Variants in SVOPL observed in about 807,000 individuals in gnomAD.
SVOPL encodes putative transporter SVOPL.
A neutral mutation model predicts 61.0 loss-of-function variants in SVOPL; 60 were observed. The observed-to-expected ratio is 0.98, with a 90% confidence interval of 0.80 to 1.22. The LOEUF is 1.22. SVOPL is among the 50% of genes most tolerant of loss of function. The pLI is 0.00. For missense variants in SVOPL, 662 were observed against 643.9 expected (o/e 1.03, Z -0.30); for synonymous variants, 279 against 250.0 (o/e 1.12, Z -1.09).
In SVOPL at chr7:138,648,903, CAAAG is replaced by C. The variant is rs1261996851; in HGVS notation, c.660+105_660+108del. 2.4e-5 allele frequency: 36 copies of C among 1,517,482 alleles called. No individual in the cohort carries two copies. In the Admixed American group the frequency reaches 3.1e-4, roughly 13 times the overall value. The allele number at this position is 1,517,482 out of a possible 1,614,324, so 94.0% of individuals were successfully genotyped here. ...CACCTCTGCACTGCAGCCTGGACAA[CAAAG>C]AGAGACTCTGTCTCGAGGGGGAAAA... On this transcript the variant is annotated intron_variant, in intron 8 of 15. Transcript: ENST00000674285.
intron 14 of SVOPL, among the ~76,000 whole-genome samples, chr7:138,601,746 C>T (rs1798534228): frequency 6.6e-6 from 1 of 151,850 alleles, no homozygotes; most frequent in Admixed American, 6.6e-5. Context: ...ACTCTTTGGA[C>T]CTAGAAATTA....
At chr7:138,677,182 G>T (rs769366956) in intron 3 of SVOPL, among the ~76,000 whole-genome samples, 2 of 152,088 alleles carry the variant, frequency 1.3e-5, no homozygotes, top group Admixed American at 6.6e-5. Flanking sequence ...GGGATTACAG[G>T]CGTGAGCCAC....
At chr7:138,597,053 T>C in intron 14 of SVOPL, 1 of 1,159,348 alleles carries the variant, frequency 8.6e-7, no homozygotes, top group Non-Finnish European at 1.1e-6. Context: ...CAAAACTCTT[T>C]GGTGTCAATT....
intron 1 of SVOPL, among the ~76,000 whole-genome samples, chr7:138,681,641 C>G (rs1802703773): frequency 6.6e-6 from 1 of 152,002 alleles, no homozygotes; most frequent in Non-Finnish European, 1.5e-5. Context: ...CTGGCCAACA[C>G]AGCAAAACCC....
rs1801923606 is a variant in SVOPL, at chr7:138,659,857, T to C, written c.470+7A>G. On this transcript the variant is annotated splice_region_variant and intron_variant, in intron 6 of 15. Coordinates refer to ENST00000674285, the MANE Select transcript of SVOPL (RefSeq NM_001139456.2). ...CTGTCTCAGGGTCCCCTGGGTAACA[T>C]ATTTACCCTTGCGAGTGGCCGGACA... is the stretch of plus-strand genomic sequence containing the variant. The C allele has an allele frequency of 2.6e-6, 4 of 1,551,322 alleles. No homozygotes were observed. The highest frequency in any genetic ancestry group is 1.4e-5 in the African/African-American group (1 of 73,104).
At chr7:138,631,824 C>T (rs1430315475) in intron 9 of SVOPL, among the ~76,000 whole-genome samples, 6 of 152,078 alleles carry the variant, frequency 3.9e-5, no homozygotes, top group Non-Finnish European at 8.8e-5. Context: ...CCGCCTTGGC[C>T]TCCCAAAGTG....
At chr7:138,647,884 G>C (rs538627466) in intron 8 of SVOPL, among the ~76,000 whole-genome samples, 4 of 150,832 alleles carry the variant, frequency 2.7e-5, no homozygotes, top group Non-Finnish European at 5.9e-5. Context: ...CATGCCTGAA[G>C]CTAGCAGCTT....
chr7:138,688,000 A>G (rs931340300), intron 1 of SVOPL, among the ~76,000 whole-genome samples: 1 of 151,868 alleles, frequency 6.6e-6, no homozygotes, highest in African/African-American at 2.4e-5. Flanking sequence ...ACAAGGTTTC[A>G]CCATGTTGGC....
intron 9 of SVOPL, among the ~76,000 whole-genome samples, chr7:138,634,195 C>T (rs1016923066): frequency 6.6e-6 from 1 of 152,194 alleles, no homozygotes; most frequent in Admixed American, 6.6e-5. Flanking sequence ...GGATCCTGTT[C>T]TTCCTCATCC....
At chr7:138,663,860 C>CAA (rs1188289671) in intron 4 of SVOPL, among the ~76,000 whole-genome samples, 2 of 152,144 alleles carry the variant, frequency 1.3e-5, no homozygotes, top group Non-Finnish European at 2.9e-5. Flanking sequence ...TAGGGGAAAA[C>CAA]AAAACAAACC....
chr7:138,653,774 A>G (rs1270600767), intron 7 of SVOPL, among the ~76,000 whole-genome samples: 1 of 152,072 alleles, frequency 6.6e-6, no homozygotes, highest in African/African-American at 2.4e-5. Context: ...TCTCACTAAA[A>G]ATACAAAAAT....
Position 138,680,455 on chromosome 7 carries a change from T to C in SVOPL, c.-34-1376A>G, listed in dbSNP as rs111627283. Reference sequence around the variant, plus strand: ...TGAGCCACCATGCCTGGCTGCTTCTTTTTAACCTCGCCTTTTTGCATTTAA... The same window carrying C: ...TGAGCCACCATGCCTGGCTGCTTCTCTTTAACCTCGCCTTTTTGCATTTAA... On this transcript the variant is annotated intron_variant, in intron 1 of 15. Coordinates refer to ENST00000674285, the MANE Select transcript of SVOPL (RefSeq NM_001139456.2). 8.3e-4 allele frequency among the ~76,000 whole-genome samples: 121 copies of C among 145,574 alleles called. 4 individuals carry two copies. Among genetic ancestry groups the C allele is most frequent in the African/African-American group, 2.7e-3 (113 of 41,150 alleles).
intron 1 of SVOPL, among the ~76,000 whole-genome samples, chr7:138,696,863 C>T (rs1803075169): frequency 6.6e-6 from 1 of 152,190 alleles, no homozygotes; most frequent in Non-Finnish European, 1.5e-5. Context: ...AGCCACCATG[C>T]CCAGCCAAGG....
chr7:138,682,584 A>G (rs757730949), intron 1 of SVOPL, among the ~76,000 whole-genome samples: 3 of 152,230 alleles, frequency 2.0e-5, no homozygotes, highest in Non-Finnish European at 2.9e-5. Flanking sequence ...AGGGGAACCT[A>G]TAGACTAAAA....
chr7:138,626,191 G>A, intron 12 of SVOPL, 141 bp from the exon 13 acceptor site: 4 of 767,380 alleles, frequency 5.2e-6, no homozygotes, highest in Non-Finnish European at 6.3e-6. Flanking sequence ...TTCTCAGCTG[G>A]CCTGATTGTG....
intron 14 of SVOPL, among the ~76,000 whole-genome samples, chr7:138,603,899 T>G (rs757699966): frequency 2.0e-5 from 3 of 152,114 alleles, no homozygotes; most frequent in Admixed American, 6.5e-5. Flanking sequence ...GTCATCACAT[T>G]TGGCTTTCGA....
chr7:138,652,449 G>T (rs1212602113), intron 7 of SVOPL, among the ~76,000 whole-genome samples: 2 of 151,110 alleles, frequency 1.3e-5, no homozygotes, highest in Non-Finnish European at 3.0e-5. Flanking sequence ...GGCCTCCAAA[G>T]CACTGGGATC....
intron 6 of SVOPL, among the ~76,000 whole-genome samples, chr7:138,657,183 G>T (rs1801788883): frequency 6.8e-6 from 1 of 147,582 alleles, no homozygotes; most frequent in Admixed American, 6.8e-5. Context: ...TTAGAGACAA[G>T]GTCTGGCTGT....
At chr7:138,602,837 AC>A (rs1798588637) in intron 14 of SVOPL, among the ~76,000 whole-genome samples, 1 of 151,292 alleles carries the variant, frequency 6.6e-6, no homozygotes, top group Non-Finnish European at 1.5e-5. Flanking sequence ...AAGGTAAGAA[AC>A]CTTTTTATGC....
Sources: allele counts gnomAD v4.1 joint callset (sites outside exome capture counted in the v4.1 genomes callset), GRCh38; gene constraint gnomAD v4.1.1; transcripts MANE v1.5; gene names NCBI Gene and HGNC (gene_info 2026-07-23, HGNC 2026-07-21).